SENP7: variants seen among roughly 807,000 people sequenced by gnomAD.
SENP7 encodes sentrin-specific protease 7.
SENP7 carries 64 observed loss-of-function variants against 141.2 expected under a neutral mutation model. The observed-to-expected ratio is 0.45, with a 90% CI of 0.37 to 0.56. The LOEUF (loss-of-function observed/expected upper bound fraction) is 0.56, where lower values mean the gene tolerates loss of function less well. Among genes scored for constraint, SENP7 ranks in the 20% least tolerant of loss-of-function variants. The pLI is 0.00. For synonymous variants in SENP7, 382 were observed against 426.4 expected (o/e 0.90, Z 1.28); for missense variants, 1,025 against 1,212.2 (o/e 0.85, Z 2.29).
chr3:101,365,215 C>T (rs1318084341), intron 9 of SENP7, among the ~76,000 whole-genome samples: 2 of 151,586 alleles, frequency 1.3e-5, no homozygotes, highest in Non-Finnish European at 2.9e-5. Context: ...GTTCGCCAGG[C>T]TGGTCTCAAA....
At chr3:101,326,368 T>A (rs1481818051) in intron 23 of SENP7, among the ~76,000 whole-genome samples, 1 of 152,050 alleles carries the variant, frequency 6.6e-6, no homozygotes, top group Non-Finnish European at 1.5e-5. Context: ...ATAATAGATA[T>A]TTAATGATTT....
intron 13 of SENP7, among the ~76,000 whole-genome samples, chr3:101,344,991 CAAAAAAAAAA>C (rs71132568): frequency 3.3e-5 from 2 of 61,344 alleles, no homozygotes; most frequent in Admixed American, 2.4e-4. Flanking sequence ...AAAAAGAAAG[CAAAAAAAAAA>C]AAAAAAAAAA....
chr3:101,347,790 C>A, intron 13 of SENP7, 82 bp downstream of exon 13: 23 of 549,576 alleles, frequency 4.2e-5, no homozygotes, highest in South Asian at 1.1e-4. Context: ...ACTGAAATAA[C>A]ATTCTATTAA....
In SENP7 at chr3:101,328,511, G is replaced by C; in HGVS notation, c.2831C>G (p.Ala944Gly). 2 of 1,612,586 alleles carry C rather than the reference G, an allele frequency of 1.2e-6. No individual in the cohort carries two copies. Among genetic ancestry groups the C allele is most frequent in the Non-Finnish European group, 1.7e-6 (2 of 1,179,092 alleles). Residue 944 changes from alanine (A) to glycine (G), a missense_variant, in exon 22 of 24, where the codon GCT (alanine) becomes GGT (glycine). Physicochemically the swap from Ala to Gly is moderately conservative, Grantham distance 60. Around this residue, in one of 4 missense-constraint regions of SENP7, gnomAD observed 295 missense variants for 459.1 expected, o/e 0.64. Transcript: ENST00000394095. ...ATTCTGAACTGTGTTTTGTACAGAA[G>C]CAGCTTTCAAGGAGTCTAGTATAAG... Reference protein sequence around the residue: ...CILILDSLKAASVQNTVQNLR... With the variant: ...CILILDSLKAGSVQNTVQNLR...
intron 1 of SENP7, among the ~76,000 whole-genome samples, chr3:101,511,235 T>C (rs1343052627): frequency 9.2e-5 from 14 of 152,212 alleles, no homozygotes; most frequent in Non-Finnish European, 2.1e-4. Context: ...CAAAATCCAC[T>C]TCCCACAACT....
chr3:101,344,227 T>C (rs542220206), intron 13 of SENP7, among the ~76,000 whole-genome samples: 55 of 152,304 alleles, frequency 3.6e-4, no homozygotes, highest in African/African-American at 1.3e-3. Context: ...GTAATAAACA[T>C]TTGTTAATGA....
intron 1 of SENP7, among the ~76,000 whole-genome samples, chr3:101,501,850 G>C (rs3856771): frequency 0.4 from 60,408 of 152,020 alleles, 12,520 homozygotes; most frequent in Admixed American, 0.54. Flanking sequence ...CATATGGTCA[G>C]CTGCTTATGA....
intron 3 of SENP7, among the ~76,000 whole-genome samples, chr3:101,461,008 G>T (rs566742196): frequency 3.2e-4 from 48 of 151,754 alleles, no homozygotes; most frequent in Non-Finnish European, 5.3e-4. Flanking sequence ...GACAAAAATA[G>T]TTTTTAATGG....
intron 3 of SENP7, among the ~76,000 whole-genome samples, chr3:101,480,957 G>C (rs1355072504): frequency 7.7e-6 from 1 of 130,606 alleles, no homozygotes; most frequent in Non-Finnish European, 1.6e-5. Flanking sequence ...GCTATTATCA[G>C]AAAGACAAAA....
At chr3:101,479,702 G>T (rs989789542) in intron 3 of SENP7, among the ~76,000 whole-genome samples, 8 of 149,960 alleles carry the variant, frequency 5.3e-5, no homozygotes, top group Admixed American at 5.3e-4. Context: ...TAGCTAATAG[G>T]GAGGCTGAGG....
intron 5 of SENP7, among the ~76,000 whole-genome samples, chr3:101,411,372 G>A (rs550433156): frequency 1.2e-4 from 18 of 152,084 alleles, no homozygotes; most frequent in Non-Finnish European, 2.5e-4. Context: ...TTAGATGTTT[G>A]CAATTTTCAA....
At chr3:101,357,971 C>CT in intron 11 of SENP7, 2 of 651,198 alleles carry the variant, frequency 3.1e-6, no homozygotes, top group Non-Finnish European at 5.0e-6. Context: ...CCCCTCACCC[C>CT]TTTTTTCACA....
intron 11 of SENP7, among the ~76,000 whole-genome samples, chr3:101,355,902 T>C (rs933110497): frequency 2.0e-5 from 3 of 152,164 alleles, no homozygotes; most frequent in Non-Finnish European, 4.4e-5. Flanking sequence ...TGTTTTGCAG[T>C]TTTCATTGTA....
At chr3:101,388,572 A>C (rs1286852573) in intron 6 of SENP7, among the ~76,000 whole-genome samples, 1 of 152,226 alleles carries the variant, frequency 6.6e-6, no homozygotes, top group Non-Finnish European at 1.5e-5. Context: ...TCAATGTAAG[A>C]ACATAAGAAA....
chr3:101,438,525 A>G (rs540296510), intron 4 of SENP7, among the ~76,000 whole-genome samples: 1 of 152,308 alleles, frequency 6.6e-6, no homozygotes, highest in South Asian at 2.1e-4. Flanking sequence ...AATTTATTTA[A>G]CAACATTAAA....
At chr3:101,487,159 G>A (rs1433094078) in intron 3 of SENP7, among the ~76,000 whole-genome samples, 1 of 151,990 alleles carries the variant, frequency 6.6e-6, no homozygotes, top group African/African-American at 2.4e-5. Flanking sequence ...AGACAGCAAC[G>A]TAATATTAGT....
rs777817545 is a variant in SENP7, at chr3:101,473,348, C to T, written c.187-14296G>A. On this transcript the variant is annotated intron_variant, in intron 3 of 23. Coordinates refer to ENST00000394095, the MANE Select transcript of SENP7 (RefSeq NM_020654.5). ...ATGGGTGAACTAATTTACACTCCCA[C>T]CAACACTTTATAACCATTCCTTTTT... Among the ~76,000 whole-genome samples the T allele has an allele frequency of 3.3e-5, 5 of 152,206 alleles. 1 individual carries two copies. In the East Asian group the frequency reaches 7.7e-4, roughly 23 times the overall value.
intron 16 of SENP7, among the ~76,000 whole-genome samples, chr3:101,338,971 A>G (rs2059259453): frequency 6.6e-6 from 1 of 152,248 alleles, no homozygotes; most frequent in Admixed American, 6.5e-5. Flanking sequence ...AAAAATTACC[A>G]GACATGCAAA....
At chr3:101,444,636 G>C (rs563629944) in intron 4 of SENP7, among the ~76,000 whole-genome samples, 1 of 149,956 alleles carries the variant, frequency 6.7e-6, no homozygotes, top group African/African-American at 2.5e-5. Flanking sequence ...GTAAACTATC[G>C]CAAGAACAAA....
Sources: gnomAD v4.1 joint callset for allele counts (sites outside exome capture counted in the v4.1 genomes callset) on GRCh38, gnomAD v4.1.1 for gene constraint, gnomAD v4.1.1 regional missense constraint, MANE v1.5 for transcripts, NCBI Gene and HGNC (gene_info 2026-07-23, HGNC 2026-07-21) for gene names.